Variants in ERBB4 observed in about 807,000 individuals in gnomAD.
The protein encoded by ERBB4 is receptor tyrosine-protein kinase erbB-4.
ERBB4 carries 42 observed loss-of-function variants against 158.0 expected under a neutral mutation model. That is an observed-to-expected ratio of 0.27 (90% CI 0.21 to 0.34). The LOEUF is 0.34. Among genes scored for constraint, ERBB4 ranks in the 10% least tolerant of loss-of-function variants. The pLI, the probability that ERBB4 is intolerant of heterozygous loss-of-function variation, is 1.00. For synonymous variants in ERBB4, 583 were observed against 558.7 expected (o/e 1.04, Z -0.61); for missense variants, 1,333 against 1,624.1 (o/e 0.82, Z 3.08).
intron 17 of ERBB4, 144 bp downstream of exon 17, chr2:211,630,318 C>G (rs2070056769): frequency 1.1e-6 from 1 of 933,560 alleles, no homozygotes; most frequent in Admixed American, 2.1e-5. Context: ...TTTTCACAAG[C>G]TTTGTTTAAC....
At chr2:211,990,510 C>CAAAATA (rs1321540410) in intron 2 of ERBB4, among the ~76,000 whole-genome samples, 2 of 144,160 alleles carry the variant, frequency 1.4e-5, no homozygotes, top group Non-Finnish European at 3.1e-5. Context: ...AGGAAATAAC[C>CAAAATA]AAAATAAAAA....
At chr2:212,475,242 G>A (rs73063158) in intron 1 of ERBB4, among the ~76,000 whole-genome samples, 13,992 of 152,110 alleles carry the variant, frequency 0.092, 1,731 homozygotes, top group African/African-American at 0.28. Context: ...GAAGGGTCCA[G>A]TGCTTCTCTG....
chr2:211,655,131 TC>T (rs2105893463), intron 16 of ERBB4, among the ~76,000 whole-genome samples: 1 of 152,286 alleles, frequency 6.6e-6, no homozygotes, highest in African/African-American at 2.4e-5. Flanking sequence ...CCTCTACATA[TC>T]AGCCAATGAC....
intron 20 of ERBB4, among the ~76,000 whole-genome samples, chr2:211,442,476 G>A (rs1046470718): frequency 3.9e-5 from 6 of 151,974 alleles, no homozygotes; most frequent in African/African-American, 1.5e-4. Context: ...AAGCTTTTTG[G>A]ATTTGCAGCT....
chr2:211,472,642 A>G (rs961699785), intron 20 of ERBB4, among the ~76,000 whole-genome samples: 2 of 151,688 alleles, frequency 1.3e-5, no homozygotes, highest in Non-Finnish European at 2.9e-5. Context: ...TCCCAACTAC[A>G]TCCTTGGTTT....
chr2:212,141,195 C>G (rs1352115020), intron 1 of ERBB4, among the ~76,000 whole-genome samples: 1 of 151,820 alleles, frequency 6.6e-6, no homozygotes, highest in African/African-American at 2.4e-5. Context: ...AAATTTAGAA[C>G]TACAGCGTTG....
intron 19 of ERBB4, among the ~76,000 whole-genome samples, chr2:211,587,211 C>T (rs1275228433): frequency 2.0e-5 from 3 of 151,454 alleles, no homozygotes; most frequent in Non-Finnish European, 2.9e-5. Flanking sequence ...AAAAAAATAG[C>T]CAGGCGTGGT....
At chr2:211,772,846 T>C (rs59930703) in intron 4 of ERBB4, among the ~76,000 whole-genome samples, 5,753 of 60,690 alleles carry the variant, frequency 0.095, 744 homozygotes, top group South Asian at 0.25. Flanking sequence ...CACATATATA[T>C]ATATATATAT....
intron 1 of ERBB4, among the ~76,000 whole-genome samples, chr2:212,389,181 TA>T (rs1208911005): frequency 6.6e-6 from 1 of 152,046 alleles, no homozygotes; most frequent in African/African-American, 2.4e-5. Context: ...TACATTTTGG[TA>T]AATGTGATGT....
At chr2:212,209,621 T>C (rs2105923135) in intron 1 of ERBB4, among the ~76,000 whole-genome samples, 1 of 152,178 alleles carries the variant, frequency 6.6e-6, no homozygotes, top group East Asian at 1.9e-4. Flanking sequence ...TCCCCCAAAA[T>C]TCATATGCTG....
intron 2 of ERBB4, among the ~76,000 whole-genome samples, chr2:211,966,809 T>C (rs903075418): frequency 2.0e-5 from 3 of 152,116 alleles, no homozygotes; most frequent in African/African-American, 7.2e-5. Flanking sequence ...ATTACATTAT[T>C]ATAGAAAAGA....
At chr2:211,429,292 C>T in intron 21 of ERBB4, among the ~76,000 whole-genome samples, 1 of 152,118 alleles carries the variant, frequency 6.6e-6, no homozygotes, top group East Asian at 1.9e-4. Context: ...TACTTGCCCC[C>T]TCCCTTCTCC....
chr2:212,146,266 G>C (rs2080669857), intron 1 of ERBB4, among the ~76,000 whole-genome samples: 1 of 152,074 alleles, frequency 6.6e-6, no homozygotes, highest in Admixed American at 6.6e-5. Flanking sequence ...ATCCTGAATG[G>C]TGACAGACTG....
intron 2 of ERBB4, among the ~76,000 whole-genome samples, chr2:212,111,983 G>C (rs1316907499): frequency 6.6e-6 from 1 of 152,126 alleles, no homozygotes; most frequent in African/African-American, 2.4e-5. Flanking sequence ...AGAGTTGGCA[G>C]TCAGTAAACA....
chr2:211,699,328 G>C (rs1041238112), intron 12 of ERBB4, among the ~76,000 whole-genome samples: 4 of 152,204 alleles, frequency 2.6e-5, no homozygotes, highest in Admixed American at 1.3e-4. Flanking sequence ...TACATCTTGT[G>C]TGTGTGTGAT....
At chr2:211,821,460 G>A (rs745946260) in intron 3 of ERBB4, among the ~76,000 whole-genome samples, 2 of 151,860 alleles carry the variant, frequency 1.3e-5, no homozygotes, top group Non-Finnish European at 2.9e-5. Flanking sequence ...GCAATCTACA[G>A]ATTCAATGCA....
chr2:212,350,995 G>T (rs1331575542), intron 1 of ERBB4, among the ~76,000 whole-genome samples: 1 of 152,060 alleles, frequency 6.6e-6, no homozygotes, highest in Non-Finnish European at 1.5e-5. Context: ...TCAGCTAGTG[G>T]GTATTACTGG....
At chr2:211,485,828 C>T (rs1448176885) in intron 20 of ERBB4, among the ~76,000 whole-genome samples, 1 of 150,926 alleles carries the variant, frequency 6.6e-6, no homozygotes, top group African/African-American at 2.4e-5. Context: ...GCACATTGTG[C>T]ACATGTATCC....
chr2:211,995,870 C>CAT (rs1420869995), intron 2 of ERBB4, among the ~76,000 whole-genome samples: 5 of 152,094 alleles, frequency 3.3e-5, no homozygotes, highest in Non-Finnish European at 7.3e-5. Context: ...TATGATAGCA[C>CAT]ATATATACAC....
Sources: gnomAD v4.1 joint callset for allele counts (sites outside exome capture counted in the v4.1 genomes callset) on GRCh38, gnomAD v4.1.1 for gene constraint, MANE v1.5 for transcripts, NCBI Gene and HGNC (gene_info 2026-07-23, HGNC 2026-07-21) for gene names.